GMDS: variants seen among roughly 807,000 people sequenced by gnomAD.
GMDS encodes the protein GDP-mannose 4,6-dehydratase.
In GMDS, 20 loss-of-function variants were observed where a neutral mutation model predicts 49.9. That is an observed-to-expected ratio of 0.40 (90% CI 0.28 to 0.58). GMDS has a LOEUF of 0.58. GMDS is among the 20% of genes least tolerant of loss of function. The pLI is 0.42. For synonymous variants in GMDS, 177 were observed against 178.6 expected (o/e 0.99, Z 0.07); for missense variants, 362 against 481.4 (o/e 0.75, Z 2.32).
chr6:1,782,351 T>G (rs1039203080), intron 7 of GMDS, among the ~76,000 whole-genome samples: 1 of 152,206 alleles, frequency 6.6e-6, no homozygotes, highest in Non-Finnish European at 1.5e-5. Context: ...CAATTTAAGC[T>G]CTGTGAACAT....
At chr6:2,182,844 T>TATA (rs1234155262) in intron 1 of GMDS, among the ~76,000 whole-genome samples, 1 of 152,138 alleles carries the variant, frequency 6.6e-6, no homozygotes, top group Non-Finnish European at 1.5e-5. Flanking sequence ...TAACTGGGAC[T>TATA]ATAGGGTATG....
chr6:1,767,347 T>C (rs3800049), intron 7 of GMDS, among the ~76,000 whole-genome samples: 1 of 152,210 alleles, frequency 6.6e-6, no homozygotes, highest in African/African-American at 2.4e-5. Flanking sequence ...ACTTATTATT[T>C]GGGAAATAAA....
chr6:2,148,853 C>T (rs1489639215), intron 1 of GMDS, among the ~76,000 whole-genome samples: 1 of 152,208 alleles, frequency 6.6e-6, no homozygotes, highest in Non-Finnish European at 1.5e-5. Flanking sequence ...TCTATGGGAG[C>T]ACCATTCACG....
chr6:1,754,475 T>C (rs1767863672), intron 7 of GMDS, among the ~76,000 whole-genome samples: 1 of 152,156 alleles, frequency 6.6e-6, no homozygotes, highest in Admixed American at 6.5e-5. Context: ...TACCATTCCT[T>C]CTGAAACTAT....
At position 1,958,122 on chromosome 6, in the gene GMDS, T is replaced by G. The variant is rs1236681122; in HGVS notation, c.643+1745A>C. On this transcript the variant is annotated intron_variant, in intron 6 of 10. Coordinates refer to ENST00000380815, the MANE Select transcript of GMDS (RefSeq NM_001500.4). ...TGCCTGGCCTTAAAATATGTTTTTT[T>G]TTTTTTTTTTTTAGTTAGTGGTTAA... Among the ~76,000 whole-genome samples the G allele has an allele frequency of 3.4e-4, 52 of 151,888 alleles. No homozygotes were observed. In the East Asian group the frequency reaches 7.2e-3, roughly 21 times the overall value.
chr6:2,060,450 A>G (rs903879613), intron 4 of GMDS, among the ~76,000 whole-genome samples: 1 of 152,166 alleles, frequency 6.6e-6, no homozygotes, highest in African/African-American at 2.4e-5. Context: ...ATCTCCTTCC[A>G]TTCATTCAAA....
intron 4 of GMDS, among the ~76,000 whole-genome samples, chr6:2,007,677 C>T (rs1767284709): frequency 6.6e-6 from 1 of 152,016 alleles, no homozygotes; most frequent in South Asian, 2.1e-4. Context: ...TAGCTTGACA[C>T]TGTTTCCTCA....
chr6:1,877,275 A>C (rs547788197), intron 7 of GMDS, among the ~76,000 whole-genome samples: 1 of 152,112 alleles, frequency 6.6e-6, no homozygotes, highest in African/African-American at 2.4e-5. Context: ...TTCTTCTGTC[A>C]AGTCTTCCAT....
At chr6:1,810,789 G>A (rs1435138551) in intron 7 of GMDS, among the ~76,000 whole-genome samples, 2 of 152,142 alleles carry the variant, frequency 1.3e-5, no homozygotes, top group African/African-American at 4.8e-5. Context: ...CATTTAGAAC[G>A]ATTATTCCTT....
chr6:1,850,046 C>T (rs114270671), intron 7 of GMDS, among the ~76,000 whole-genome samples: 3,351 of 152,284 alleles, frequency 0.022, 120 homozygotes, highest in African/African-American at 0.076. Flanking sequence ...TGTGTTCCAA[C>T]GTAAAATATC....
chr6:2,020,656 CA>C (rs981272248), intron 4 of GMDS, among the ~76,000 whole-genome samples: 28 of 146,756 alleles, frequency 1.9e-4, no homozygotes, highest in Non-Finnish European at 3.0e-4. Context: ...CCCTTAATGG[CA>C]AAAAAAAATG....
chr6:1,767,217 T>C (rs748286610), intron 7 of GMDS, among the ~76,000 whole-genome samples: 13 of 151,866 alleles, frequency 8.6e-5, no homozygotes, highest in Non-Finnish European at 1.3e-4. Context: ...CCAAATTTCA[T>C]TAAACGCATA....
intron 9 of GMDS, among the ~76,000 whole-genome samples, chr6:1,706,089 C>G (rs900675031): frequency 6.6e-6 from 1 of 152,124 alleles, no homozygotes; most frequent in East Asian, 1.9e-4. Flanking sequence ...GGTACTATAG[C>G]GGGCAGGCCT....
chr6:1,720,391 A>G (rs1766338024), intron 9 of GMDS, among the ~76,000 whole-genome samples: 2 of 152,184 alleles, frequency 1.3e-5, no homozygotes, highest in Admixed American at 6.5e-5. Flanking sequence ...AAGTCCAAGG[A>G]AGGAAAAGGG....
intron 4 of GMDS, among the ~76,000 whole-genome samples, chr6:2,053,216 A>G (rs1770551760): frequency 6.6e-6 from 1 of 152,212 alleles, no homozygotes; most frequent in South Asian, 2.1e-4. Context: ...TAGGCCTTAT[A>G]TAAAATGTAA....
chr6:2,213,057 T>C (rs1044806641), intron 1 of GMDS, among the ~76,000 whole-genome samples: 2 of 152,194 alleles, frequency 1.3e-5, no homozygotes, highest in African/African-American at 2.4e-5. Flanking sequence ...CTACTGTACA[T>C]TATTTTTGTC....
Position 1,725,435 on chromosome 6 carries a change from A to G in GMDS, c.987+981T>C, listed in dbSNP as rs76226621. 4.1e-5 allele frequency among the ~76,000 whole-genome samples: 6 copies of G among 147,180 alleles called. No individual in the cohort carries two copies. In the East Asian group the frequency reaches 1.2e-3, roughly 29 times the overall value. On this transcript the variant is annotated intron_variant, in intron 9 of 10. Transcript: ENST00000380815. Reference sequence around the variant, plus strand: ...CTACCTTGTTATAGTCTAGTGTAAGATTTTTTTTTTTTTGAGACGGAGTTT... The same window carrying G: ...CTACCTTGTTATAGTCTAGTGTAAGGTTTTTTTTTTTTTGAGACGGAGTTT...
chr6:1,658,442 C>T (rs886422234), intron 9 of GMDS, among the ~76,000 whole-genome samples: 2 of 152,270 alleles, frequency 1.3e-5, no homozygotes, highest in African/African-American at 4.8e-5. Context: ...CAGCGCTCTG[C>T]CTACCTGTGT....
At chr6:1,751,682 T>G (rs1027450416) in intron 7 of GMDS, among the ~76,000 whole-genome samples, 1 of 152,098 alleles carries the variant, frequency 6.6e-6, no homozygotes, top group Admixed American at 6.6e-5. Flanking sequence ...TTAGTAGAGA[T>G]GAGGTTTCAC....
Sources: allele counts gnomAD v4.1 joint callset (sites outside exome capture counted in the v4.1 genomes callset), GRCh38; gene constraint gnomAD v4.1.1; transcripts MANE v1.5; gene names NCBI Gene and HGNC (gene_info 2026-07-23, HGNC 2026-07-21).